ZNF28: variants seen among roughly 807,000 people sequenced by gnomAD.
ZNF28 encodes zinc finger protein KOX24.
ZNF28 carries 5 observed loss-of-function variants against 7.2 expected under a neutral mutation model. The observed-to-expected ratio is 0.70, with a 90% CI of 0.36 to 1.46. ZNF28 has a LOEUF of 1.46. ZNF28 is among the 40% of genes most tolerant of loss of function. The probability of loss-of-function intolerance (pLI) is 0.03; values close to 1 mark genes in which losing one functional copy is unlikely to be tolerated. For synonymous variants in ZNF28, 288 were observed against 292.4 expected (o/e 0.99, Z 0.15); for missense variants, 879 against 866.6 (o/e 1.01, Z -0.18).
At chr19:52,817,827 G>A (rs2063146237) in intron 2 of ZNF28, 117 bp downstream of exon 2, 1 of 1,564,452 alleles carries the variant, frequency 6.4e-7, no homozygotes, top group Non-Finnish European at 8.7e-7. Flanking sequence ...AGGCATGGGT[G>A]AGGGTGAGCA....
rs2910627 is a variant in ZNF28, at chr19:52,820,549, G to C, written c.-74+1037C>G. Among the ~76,000 whole-genome samples the C allele has an allele frequency of 7.3e-3, 1,061 of 145,888 alleles. 12 individuals are homozygous for C. The highest frequency in any genetic ancestry group is 0.025 in the African/African-American group (998 of 39,394). On this transcript the variant is annotated intron_variant, in intron 1 of 3. Coordinates refer to ENST00000457749, the MANE Select transcript of ZNF28 (RefSeq NM_006969.5). ...TCTCTGTTATAACCCCCTGGACCCAGTCTGGCACCCCAGATCCCCAGGTGT... is the reference window on the plus strand; with the variant it reads ...TCTCTGTTATAACCCCCTGGACCCACTCTGGCACCCCAGATCCCCAGGTGT...
Position 52,801,701 on chromosome 19 carries a change from A to C in ZNF28, c.144T>G (p.Asp48Glu). ...TCTTCATCATGCATTTGGAAGAGAT[A>C]TCTACAAAATATAAACACCAATAGG... ...LENYRNLVSL[D>E]ISSKCMMKTF... Residue 48 changes from aspartate to glutamate, a missense_variant and splice_region_variant, in exon 4 of 4, where the codon GAT becomes GAG. By Grantham distance (45) the Asp-to-Glu change is conservative. Transcript: ENST00000457749. 2 of 1,610,154 alleles carry C rather than the reference A, an allele frequency of 1.2e-6. No homozygotes were observed. The highest frequency in any genetic ancestry group is 1.7e-6 in the Non-Finnish European group (2 of 1,178,236).
Position 52,797,691 on chromosome 19 carries a change from C to A in ZNF28, c.*1997G>T. Reference sequence around the variant, plus strand: ...TACCTTGAAATCTACAAACATTGATCAAAATGATTAAAAACATATAAATAC... The same window carrying A: ...TACCTTGAAATCTACAAACATTGATAAAAATGATTAAAAACATATAAATAC... On this transcript the variant is annotated 3_prime_UTR_variant, in exon 4 of 4. Coordinates refer to ENST00000457749, the MANE Select transcript of ZNF28 (RefSeq NM_006969.5). 6.5e-6 allele frequency: 1 copy of A among 154,110 alleles called. No individual in the cohort carries two copies. 9.5% of individuals were successfully genotyped at this position (154,110 alleles called of 1,614,324 possible). A position where few individuals can be genotyped will look rare whatever the true frequency, so the allele number is the denominator to read the frequency against.
In ZNF28 at chr19:52,815,103, A is replaced by T. The variant is rs372493719; in HGVS notation, c.15+2841T>A. 4.9e-4 allele frequency among the ~76,000 whole-genome samples: 15 copies of T among 30,626 alleles called. 5 individuals are homozygous for T. Among genetic ancestry groups the T allele is most frequent in the African/African-American group, 1.2e-3 (15 of 12,488 alleles). 20.1% of individuals were successfully genotyped at this position (30,626 alleles called of 152,430 possible). A position where few individuals can be genotyped will look rare whatever the true frequency, so the allele number is the denominator to read the frequency against. ...TGTATGTGTGTGTATATATATATTTATATATATATATAAAGGTTTTTAAAA... is the reference window on the plus strand; with the variant it reads ...TGTATGTGTGTGTATATATATATTTTTATATATATATAAAGGTTTTTAAAA... On this transcript the variant is annotated intron_variant, in intron 2 of 3. Coordinates refer to ENST00000457749, the MANE Select transcript of ZNF28 (RefSeq NM_006969.5).
rs2062838654 is a variant in ZNF28, at chr19:52,799,853, C to T, written c.1992G>A (p.Lys664=). The T allele has an allele frequency of 1.9e-6, 3 of 1,613,848 alleles. No individual in the cohort carries two copies. Among genetic ancestry groups the T allele is most frequent in the Non-Finnish European group, 2.5e-6 (3 of 1,179,956 alleles). ...TAAAAACCTTGCCACATTCATTACA[C>T]TTGTAAGGTTTCTCTCCACTATGAA... is the stretch of plus-strand genomic sequence containing the variant. ...HRLHSGEKPY[K]CNECGKVFNQ... is the part of the protein sequence containing the mutation. Residue 664 remains lysine (K), a synonymous_variant, in exon 4 of 4, where the codon AAG becomes AAA. Coordinates refer to ENST00000457749, the MANE Select transcript of ZNF28 (RefSeq NM_006969.5).
chr19:52,811,142 C>T (rs907953046), intron 2 of ZNF28, among the ~76,000 whole-genome samples: 1 of 150,810 alleles, frequency 6.6e-6, no homozygotes, highest in Non-Finnish European at 1.5e-5. Flanking sequence ...GATCCGCCAG[C>T]CTCGGCCTCC....
chr19:52,808,655 A>C (rs908395771), intron 2 of ZNF28, among the ~76,000 whole-genome samples: 126 of 151,608 alleles, frequency 8.3e-4, no homozygotes, highest in Non-Finnish European at 1.5e-3. Context: ...AAAAAAAAAA[A>C]CAAAAAACAT....
At chr19:52,810,373 G>A in intron 2 of ZNF28, 1 of 1,604,980 alleles carries the variant, frequency 6.2e-7, no homozygotes, top group Non-Finnish European at 8.5e-7. Flanking sequence ...CACTTTCATG[G>A]CTGTGGTTCA....
intron 2 of ZNF28, among the ~76,000 whole-genome samples, chr19:52,812,777 A>T (rs1165160872): frequency 6.6e-6 from 1 of 150,972 alleles, no homozygotes; most frequent in Non-Finnish European, 1.5e-5. Context: ...AAAAAAAAAA[A>T]AAAAAAAAAA....
At chr19:52,814,398 A>C (rs560542149) in intron 2 of ZNF28, 1 of 146,300 alleles carries the variant, frequency 6.8e-6, no homozygotes, top group Non-Finnish European at 1.5e-5. Context: ...CAAGACCAGC[A>C]TGGCCAAAAT....
chr19:52,812,327 G>T (rs1256883596), intron 2 of ZNF28, among the ~76,000 whole-genome samples: 1 of 141,888 alleles, frequency 7.0e-6, no homozygotes, highest in Non-Finnish European at 1.5e-5. Flanking sequence ...ATAGAAAGGC[G>T]GGAAGGGTGG....
intron 2 of ZNF28, among the ~76,000 whole-genome samples, chr19:52,808,390 G>A (rs758281030): frequency 6.6e-6 from 1 of 152,168 alleles, no homozygotes; most frequent in African/African-American, 2.4e-5. Flanking sequence ...TTATAAAAAT[G>A]TTTGAAACTT....
At chr19:52,808,391 T>G (rs779760604) in intron 2 of ZNF28, among the ~76,000 whole-genome samples, 7 of 152,166 alleles carry the variant, frequency 4.6e-5, no homozygotes, top group Non-Finnish European at 7.3e-5. Context: ...TATAAAAATG[T>G]TTGAAACTTT....
At chr19:52,803,966 A>C (rs555083300) in intron 3 of ZNF28, among the ~76,000 whole-genome samples, 15 of 152,340 alleles carry the variant, frequency 9.8e-5, no homozygotes, top group African/African-American at 2.9e-4. Flanking sequence ...CAAAAAAATA[A>C]AATAAGATAA....
rs1215853881 is a variant in ZNF28, at chr19:52,800,668, T to C, written c.1177A>G (p.Ser393Gly). 9 of 1,613,370 alleles carry C rather than the reference T, an allele frequency of 5.6e-6. No individual in the cohort carries two copies. The highest frequency in any genetic ancestry group is 1.3e-5 in the African/African-American group (1 of 74,916). The change falls in exon 4 of 4, where the codon AGT (serine) becomes GGT (glycine). Residue 393 changes from serine to glycine, a missense_variant. Physicochemically the swap from Ser to Gly is moderately conservative, Grantham distance 56. Around this residue, in one of 2 missense-constraint regions of ZNF28, gnomAD observed 864 missense variants for 830.2 expected, o/e 1.04. Transcript: ENST00000457749. ...YECEECEKVF[S>G]RKSHLERHKR... ...TGTCTTTCAAGATGTGATTTGCGAC[T>C]GAAAACTTTTTCACATTCTTCACAT...
chr19:52,811,658 ACCGCCCCGT>A (rs1343022017), intron 2 of ZNF28, among the ~76,000 whole-genome samples: 10 of 138,784 alleles, frequency 7.2e-5, no homozygotes, highest in Admixed American at 4.2e-4. Flanking sequence ...CTGCCTGGCA[ACCGCCCCGT>A]CTGAGAAGTG....
Position 52,799,474 on chromosome 19 carries a change from CA to C in ZNF28, c.*213del. 3 of 920,858 alleles carry C rather than the reference CA, an allele frequency of 3.3e-6. No individual in the cohort carries two copies. The highest frequency in any genetic ancestry group is 5.2e-6 in the Non-Finnish European group (3 of 580,168). The allele number at this position is 920,858 out of a possible 1,614,324, so 57.0% of individuals were successfully genotyped here. ...GCAGTATGAATTCTATGATGACGTG[CA>C]AGGGTTGTTTTTTGATTAAAAACCT... On this transcript the variant is annotated 3_prime_UTR_variant, in exon 4 of 4. Coordinates refer to ENST00000457749, the MANE Select transcript of ZNF28 (RefSeq NM_006969.5).
chr19:52,811,460 C>T (rs1323632417), intron 2 of ZNF28, among the ~76,000 whole-genome samples: 2 of 148,616 alleles, frequency 1.3e-5, no homozygotes, highest in Non-Finnish European at 3.0e-5. Flanking sequence ...CGCCTCTTCC[C>T]CGCCGCCATC....
rs13382164 is a variant in ZNF28, at chr19:52,801,310, T to C, written c.535A>G (p.Arg179Gly). ...TGGGTTTTGGGCCTACAACAAATTCTTTGGGATGTTGAAACTGAGGAAGCA... is the reference window on the plus strand; with the variant it reads ...TGGGTTTTGGGCCTACAACAAATTCCTTGGGATGTTGAAACTGAGGAAGCA... ...NNASSVSTSQ[R>G]ICCRPKTHIS... The change falls in exon 4 of 4, where the codon AGA becomes GGA. Residue 179 changes from arginine (R) to glycine (G), a missense_variant. Arg to Gly is a moderately radical substitution (Grantham distance 125). Coordinates refer to ENST00000457749, the MANE Select transcript of ZNF28 (RefSeq NM_006969.5). 483,467 of 1,613,946 alleles carry C rather than the reference T, an allele frequency of 0.3. 78,356 individuals are homozygous for C. Among genetic ancestry groups the C allele is most frequent in the East Asian group, 0.74 (33,133 of 44,860 alleles).
Sources: allele counts gnomAD v4.1 joint callset (sites outside exome capture counted in the v4.1 genomes callset), GRCh38; gene constraint gnomAD v4.1.1; regional missense constraint gnomAD v4.1.1; transcripts MANE v1.5; gene names NCBI Gene and HGNC (gene_info 2026-07-23, HGNC 2026-07-21).